MSR1: variants seen among roughly 807,000 people sequenced by gnomAD.
MSR1 encodes the protein macrophage scavenger receptor 1, also known as macrophage scavenger receptor types I and II.
A neutral mutation model predicts 47.2 loss-of-function variants in MSR1; 53 were observed. The observed-to-expected ratio is 1.12, with a 90% confidence interval of 0.90 to 1.41. MSR1 has a LOEUF of 1.41. MSR1 is among the 40% of genes most tolerant of loss of function. MSR1 has a pLI of 0.00. For missense variants in MSR1, 786 were observed against 546.9 expected, an observed-to-expected ratio of 1.44 and a Z score of -4.36; for synonymous variants, 239 against 185.6, an observed-to-expected ratio of 1.29 and a Z score of -2.34.
At position 16,184,125 on chromosome 8, in the gene MSR1, A is replaced by T. The variant is rs75674983; in HGVS notation, c.-4-6133T>A. ...AGTTTTAATTTTTCATAAAGACAAC[A>T]TTTATTTTTCACCTTAACATTTATT... On this transcript the variant is annotated intron_variant, in intron 1 of 9. Transcript: ENST00000262101. 5.5e-3 allele frequency among the ~76,000 whole-genome samples: 839 copies of T among 151,780 alleles called. 26 individuals are homozygous for T. In the East Asian group the frequency reaches 0.098, roughly 18 times the overall value.
At chr8:16,166,383 G>A (rs998906142) in intron 4 of MSR1, among the ~76,000 whole-genome samples, 2 of 150,662 alleles carry the variant, frequency 1.3e-5, no homozygotes, top group Non-Finnish European at 3.0e-5. Flanking sequence ...GACTGGTCTC[G>A]AACTCCTGAC....
chr8:16,175,932 C>T (rs576135928), intron 2 of MSR1, among the ~76,000 whole-genome samples: 1 of 152,080 alleles, frequency 6.6e-6, no homozygotes, highest in South Asian at 2.1e-4. Context: ...TAACAGTAAC[C>T]TTTTATTCAT....
chr8:16,146,418 C>T (rs1006847513), intron 7 of MSR1, among the ~76,000 whole-genome samples: 3 of 152,050 alleles, frequency 2.0e-5, no homozygotes, highest in African/African-American at 7.2e-5. Context: ...AAAAATGCAT[C>T]TCTTCCTCCT....
intron 1 of MSR1, among the ~76,000 whole-genome samples, chr8:16,181,602 G>C (rs1801833910): frequency 1.3e-5 from 2 of 151,900 alleles, no homozygotes; most frequent in Non-Finnish European, 2.9e-5. Flanking sequence ...TGAACAATGA[G>C]AACACATGGA....
At chr8:16,176,466 C>G (rs1171105813) in intron 2 of MSR1, among the ~76,000 whole-genome samples, 2 of 148,530 alleles carry the variant, frequency 1.3e-5, no homozygotes, top group Non-Finnish European at 3.0e-5. Flanking sequence ...ATGATCGCAC[C>G]ACTGCACTCC....
intron 7 of MSR1, 119 bp from the exon 8 acceptor site, chr8:16,143,730 G>T: frequency 5.5e-6 from 4 of 725,856 alleles, no homozygotes; most frequent in Non-Finnish European, 9.6e-6. Context: ...ATATTGAAAT[G>T]TATAATAACA....
At chr8:16,154,972 A>G in intron 6 of MSR1, 92 bp downstream of exon 6, 1 of 1,027,304 alleles carries the variant, frequency 9.7e-7, no homozygotes, top group Non-Finnish European at 1.5e-6. Flanking sequence ...TCTGCAGGAT[A>G]TAAATAAAAT....
intron 1 of MSR1, among the ~76,000 whole-genome samples, chr8:16,181,035 T>G (rs573299879): frequency 3.3e-5 from 5 of 152,164 alleles, no homozygotes; most frequent in Admixed American, 3.3e-4. Context: ...ATTATTTAGA[T>G]CCACACTCTT....
chr8:16,189,568 A>G (rs1476980209), intron 1 of MSR1, among the ~76,000 whole-genome samples: 2 of 101,176 alleles, frequency 2.0e-5, no homozygotes, highest in East Asian at 5.7e-4. Context: ...ATGAAATCTT[A>G]TTTTATATAT....
intron 1 of MSR1, among the ~76,000 whole-genome samples, chr8:16,184,846 G>A (rs1472951828): frequency 6.6e-6 from 1 of 151,568 alleles, no homozygotes; most frequent in East Asian, 1.9e-4. Context: ...AATATTTTGT[G>A]GATTACTATA....
Position 16,168,502 on chromosome 8 carries a change from T to C in MSR1, c.586A>G (p.Asn196Asp). 6.2e-7 allele frequency: 1 copy of C among 1,614,174 alleles called. No homozygotes were observed. The highest frequency in any genetic ancestry group is 8.5e-7 in the Non-Finnish European group (1 of 1,180,014). ...TLLDLQLNIE[N>D]LNGKIQENTF... ...TTCTCTTGGATTTTGCCATTCAGAT[T>C]TTCTATGTTGAGCTGCAAATCAAGC... is the stretch of plus-strand genomic sequence containing the variant. Residue 196 changes from asparagine to aspartate, a missense_variant, in exon 4 of 10, where the codon AAT becomes GAT. Transcript: ENST00000262101.
chr8:16,130,856 C>T (rs574300933), intron 8 of MSR1, among the ~76,000 whole-genome samples: 3 of 151,998 alleles, frequency 2.0e-5, no homozygotes, highest in South Asian at 4.2e-4. Context: ...GTATATGTAC[C>T]ACATTTTCTT....
chr8:16,175,222 A>T lies in MSR1; in HGVS notation c.182T>A (p.Phe61Tyr). 6.2e-7 allele frequency: 1 copy of T among 1,614,148 alleles called. No individual in the cohort carries two copies. Among genetic ancestry groups the T allele is most frequent in the East Asian group, 2.2e-5 (1 of 44,854 alleles). The change falls in exon 3 of 10, where the codon TTT (phenylalanine) becomes TAT (tyrosine). Residue 61 changes from phenylalanine (F) to tyrosine (Y), a missense_variant. By Grantham distance (22) the Phe-to-Tyr change is conservative. Coordinates refer to ENST00000262101, the MANE Select transcript of MSR1 (RefSeq NM_138715.3). ...AALIALYLLV[F>Y]AVLIPLIGIV... ...TCCAATGAGAGGGATGAGAACTGCA[A>T]ACACGAGGAGGTAAAGGGCAATCAG...
At chr8:16,187,485 G>A (rs980329048) in intron 1 of MSR1, among the ~76,000 whole-genome samples, 1 of 150,756 alleles carries the variant, frequency 6.6e-6, no homozygotes, top group African/African-American at 2.4e-5. Context: ...TCCCCACCCT[G>A]GCTTCATTTT....
At chr8:16,165,753 T>G (rs1355522017) in intron 4 of MSR1, among the ~76,000 whole-genome samples, 2 of 152,090 alleles carry the variant, frequency 1.3e-5, no homozygotes, top group African/African-American at 2.4e-5. Flanking sequence ...TGTAGGACCT[T>G]CGAAAATAAA....
intron 8 of MSR1, among the ~76,000 whole-genome samples, chr8:16,142,655 G>A (rs1473302210): frequency 6.6e-6 from 1 of 152,102 alleles, no homozygotes; most frequent in African/African-American, 2.4e-5. Flanking sequence ...AATTGCTACT[G>A]TATATTTCTA....
chr8:16,173,158 A>G (rs1370681181), intron 3 of MSR1, among the ~76,000 whole-genome samples: 1 of 152,212 alleles, frequency 6.6e-6, no homozygotes, highest in African/African-American at 2.4e-5. Context: ...CTGTAGTTTC[A>G]GTAAACAAAC....
At chr8:16,119,916 A>G (rs918365446) in intron 9 of MSR1, among the ~76,000 whole-genome samples, 1 of 126,030 alleles carries the variant, frequency 7.9e-6, no homozygotes, top group Non-Finnish European at 1.6e-5. Context: ...GGATCTTACT[A>G]TGTTGTCCAC....
chr8:16,139,331 G>T, intron 8 of MSR1: 1 of 976,038 alleles, frequency 1.0e-6, no homozygotes, highest in Non-Finnish European at 1.2e-6. Context: ...ATCTTTAAAG[G>T]ACTTTATGAT....
Sources: allele counts gnomAD v4.1 joint callset (sites outside exome capture counted in the v4.1 genomes callset), GRCh38; gene constraint gnomAD v4.1.1; transcripts MANE v1.5; gene names NCBI Gene and HGNC (gene_info 2026-07-23, HGNC 2026-07-21).